The following CNTNAP5 variants were observed in gnomAD, a reference collection of about 807,000 sequenced individuals.
CNTNAP5 encodes contactin associated protein family member 5, also known as contactin-associated protein-like 5.
CNTNAP5 carries 72 observed loss-of-function variants against 150.2 expected under a neutral mutation model. The ratio of observed to expected loss-of-function variants is 0.48; its 90% CI spans 0.40 to 0.58. The LOEUF (loss-of-function observed/expected upper bound fraction) is 0.58. Among genes scored for constraint, CNTNAP5 ranks in the 20% least tolerant of loss-of-function variants. The pLI, the probability that CNTNAP5 is intolerant of heterozygous loss-of-function variation, is 0.00. For synonymous variants in CNTNAP5, 672 were observed against 619.8 expected (o/e 1.08, Z -1.25); for missense variants, 1,636 against 1,626.2 (o/e 1.01, Z -0.10).
chr2:124,789,924 A>G lies in CNTNAP5; in HGVS notation c.2775A>G (p.Lys925=), dbSNP rs752889217. ...LFVGGTSSRQ[K]GFLGCIRSLH... is the part of the protein sequence containing the mutation. ...TAGGGGGAACGTCATCCAGACAGAA[A>G]GGCTTCCTAGGATGCATTCGCTCCT... The change falls in exon 18 of 24, where the codon AAA becomes AAG. Residue 925 remains lysine, a synonymous_variant. Coordinates refer to ENST00000682447, the MANE Select transcript of CNTNAP5 (RefSeq NM_001367498.1). 1 of 1,613,172 alleles carries G rather than the reference A, an allele frequency of 6.2e-7. No individual in the cohort carries two copies. The highest frequency in any genetic ancestry group is 1.1e-5 in the South Asian group (1 of 91,076).
At chr2:124,129,895 A>C (rs1287783885) in intron 1 of CNTNAP5, among the ~76,000 whole-genome samples, 1 of 152,140 alleles carries the variant, frequency 6.6e-6, no homozygotes, top group African/African-American at 2.4e-5. Context: ...TTCTGTTAGG[A>C]TTGCAAATGA....
chr2:124,028,581 C>T (rs796906227), intron 1 of CNTNAP5, among the ~76,000 whole-genome samples: 51 of 152,218 alleles, frequency 3.4e-4, no homozygotes, highest in African/African-American at 1.2e-3. Context: ...TACAATTCCT[C>T]CTCTGGGTTT....
At chr2:124,881,497 A>G (rs1175964901) in intron 21 of CNTNAP5, among the ~76,000 whole-genome samples, 2 of 152,100 alleles carry the variant, frequency 1.3e-5, no homozygotes, top group Non-Finnish European at 2.9e-5. Context: ...GGCATAAGTT[A>G]CAATGGATTA....
intron 1 of CNTNAP5, among the ~76,000 whole-genome samples, chr2:124,123,300 T>C (rs1683611859): frequency 6.6e-6 from 1 of 152,100 alleles, no homozygotes; most frequent in Admixed American, 6.5e-5. Context: ...GCCTCACTCA[T>C]TGCTAGCACA....
At chr2:124,260,665 G>A (rs1383763902) in intron 3 of CNTNAP5, among the ~76,000 whole-genome samples, 3 of 151,786 alleles carry the variant, frequency 2.0e-5, no homozygotes, top group Non-Finnish European at 2.9e-5. Flanking sequence ...TCAAATATCC[G>A]GTAATACTTT....
At chr2:124,595,370 G>T (rs1558696754) in intron 11 of CNTNAP5, among the ~76,000 whole-genome samples, 2 of 113,524 alleles carry the variant, frequency 1.8e-5, no homozygotes, top group East Asian at 2.9e-4. Context: ...TTTGTCAAAG[G>T]CTTTTTCTGC....
intron 3 of CNTNAP5, among the ~76,000 whole-genome samples, chr2:124,333,440 T>C (rs986948371): frequency 2.0e-5 from 3 of 152,160 alleles, no homozygotes; most frequent in Non-Finnish European, 2.9e-5. Flanking sequence ...TTACATATCA[T>C]CAGCACAGAG....
intron 19 of CNTNAP5, among the ~76,000 whole-genome samples, chr2:124,809,954 G>A (rs925017219): frequency 6.6e-6 from 1 of 152,110 alleles, no homozygotes; most frequent in Non-Finnish European, 1.5e-5. Flanking sequence ...GATGAATCAG[G>A]AGTCAGACAG....
In CNTNAP5 at chr2:124,919,174, C is replaced by T. The variant is rs1002596891; in HGVS notation, c.*4886C>T. On this transcript the variant is annotated 3_prime_UTR_variant, in exon 24 of 24. Transcript: ENST00000682447. ...ACTTTGTACAAATAGGGCTGTTATT[C>T]AACTTTTCTCTTGAACATTCTACAT... 6.6e-6 allele frequency among the ~76,000 whole-genome samples: 1 copy of T among 152,016 alleles called. No individual in the cohort carries two copies. Among genetic ancestry groups the T allele is most frequent in the Admixed American group, 6.6e-5 (1 of 15,228 alleles).
intron 1 of CNTNAP5, among the ~76,000 whole-genome samples, chr2:124,094,813 T>A (rs947162004): frequency 6.6e-6 from 1 of 152,134 alleles, no homozygotes; most frequent in African/African-American, 2.4e-5. Context: ...TGAAGGCACC[T>A]CTCTCCAGAT....
At chr2:124,831,511 C>A (rs2104681594) in intron 19 of CNTNAP5, among the ~76,000 whole-genome samples, 1 of 150,798 alleles carries the variant, frequency 6.6e-6, no homozygotes, top group South Asian at 2.1e-4. Context: ...TATATTTTTC[C>A]ATCAAAAAAC....
chr2:124,616,639 C>CTAGCTTTTGGTCTA (rs1677499009), intron 12 of CNTNAP5, among the ~76,000 whole-genome samples: 1 of 152,130 alleles, frequency 6.6e-6, no homozygotes, highest in East Asian at 1.9e-4. Context: ...CACAAGAGGC[C>CTAGCTTTTGGTCTA]TAGCTTTTGG....
At chr2:124,382,028 G>C (rs552135397) in intron 3 of CNTNAP5, among the ~76,000 whole-genome samples, 2 of 152,260 alleles carry the variant, frequency 1.3e-5, no homozygotes, top group East Asian at 1.9e-4. Flanking sequence ...TTGTTTGCTT[G>C]CTTTGTGTTT....
chr2:124,505,610 T>C (rs977965235), intron 8 of CNTNAP5, among the ~76,000 whole-genome samples: 1 of 152,160 alleles, frequency 6.6e-6, no homozygotes, highest in Non-Finnish European at 1.5e-5. Context: ...TGCCTAGCAA[T>C]ACACAGCAGG....
chr2:124,809,965 A>G (rs934999752), intron 19 of CNTNAP5, among the ~76,000 whole-genome samples: 4 of 152,184 alleles, frequency 2.6e-5, no homozygotes, highest in African/African-American at 9.6e-5. Flanking sequence ...AGTCAGACAG[A>G]TATGGAACTT....
At position 124,252,528 on chromosome 2, in the gene CNTNAP5, G is replaced by A. The variant is rs920876292; in HGVS notation, c.381+10135G>A. ...AGGTGGCAGCTCAAAAAGCCCTTGA[G>A]TCTTGTTTCTTTTTCTTTGGTGGGG... On this transcript the variant is annotated intron_variant, in intron 3 of 23. Coordinates refer to ENST00000682447, the MANE Select transcript of CNTNAP5 (RefSeq NM_001367498.1). Among the ~76,000 whole-genome samples, 10 of 152,264 alleles carry A rather than the reference G, an allele frequency of 6.6e-5. 1 individual carries two copies. The East Asian group carries it at 1.9e-3, about 29-fold the overall frequency.
intron 20 of CNTNAP5, among the ~76,000 whole-genome samples, chr2:124,865,844 T>G (rs547811479): frequency 6.6e-6 from 1 of 151,640 alleles, no homozygotes; most frequent in Non-Finnish European, 1.5e-5. Flanking sequence ...CTCAGGAGGC[T>G]GAGGCAGGAG....
At chr2:124,386,056 GA>G (rs1690918805) in intron 3 of CNTNAP5, among the ~76,000 whole-genome samples, 1 of 152,146 alleles carries the variant, frequency 6.6e-6, no homozygotes. Context: ...AGTGCACCAA[GA>G]GATGTACAGT....
chr2:124,324,632 A>G (rs924925353), intron 3 of CNTNAP5, among the ~76,000 whole-genome samples: 2 of 152,252 alleles, frequency 1.3e-5, no homozygotes, highest in Middle Eastern at 3.4e-3. Context: ...TTCTTTCCTT[A>G]AGGACTTTGA....
Sources: allele counts gnomAD v4.1 joint callset (sites outside exome capture counted in the v4.1 genomes callset), GRCh38; gene constraint gnomAD v4.1.1; transcripts MANE v1.5; gene names NCBI Gene and HGNC (gene_info 2026-07-23, HGNC 2026-07-21).